The following PCDH15 variants were observed in gnomAD, a reference collection of about 807,000 sequenced individuals.
PCDH15 encodes protocadherin related 15, also known as protocadherin-15.
A neutral mutation model predicts 178.5 loss-of-function variants in PCDH15; 129 were observed. The observed-to-expected ratio is 0.72, with a 90% confidence interval of 0.63 to 0.84. PCDH15 has a LOEUF of 0.84. PCDH15 is among the 40% of genes least tolerant of loss of function. The pLI, the probability that PCDH15 is intolerant of heterozygous loss-of-function variation, is 0.00. For missense variants in PCDH15, 2,230 were observed against 2,099.9 expected (o/e 1.06, Z -1.21); for synonymous variants, 800 against 732.0 (o/e 1.09, Z -1.50).
chr10:55,432,082 AACACAC>A (rs58866288), intron 2 of PCDH15, among the ~76,000 whole-genome samples: 9 of 148,498 alleles, frequency 6.1e-5, no homozygotes, highest in Admixed American at 1.4e-4. Flanking sequence ...CTATCATTTA[AACACAC>A]ACACACACAC....
intron 2 of PCDH15, among the ~76,000 whole-genome samples, chr10:54,595,997 G>A (rs2092216594): frequency 6.6e-6 from 1 of 152,052 alleles, no homozygotes; most frequent in East Asian, 1.9e-4. Context: ...ACTCATTGGT[G>A]TCCCCGAAAG....
At chr10:54,296,585 C>A (rs572300638) in intron 8 of PCDH15, among the ~76,000 whole-genome samples, 1 of 152,188 alleles carries the variant, frequency 6.6e-6, no homozygotes. Flanking sequence ...CTAGCATAAA[C>A]TTTAGGACTC....
chr10:55,159,347 ATCTATCTATCTATCTATCTATCT>A (rs372330470), intron 2 of PCDH15, among the ~76,000 whole-genome samples: 124,422 of 144,036 alleles, frequency 0.86, 53,535 homozygotes, highest in East Asian at 0.96. Context: ...TACCATATCT[ATCTATCTATCTATCTATCTATCT>A]ATATATATAT....
At chr10:53,811,656 A>G in intron 35 of PCDH15, 37 bp from the exon 36 acceptor site, 4 of 1,362,524 alleles carry the variant, frequency 2.9e-6, no homozygotes, top group East Asian at 5.0e-5. Context: ...TTGAAAACGA[A>G]TTCTTATCAC....
intron 2 of PCDH15, among the ~76,000 whole-genome samples, chr10:55,429,502 G>C (rs1366040898): frequency 6.6e-6 from 1 of 151,990 alleles, no homozygotes; most frequent in Non-Finnish European, 1.5e-5. Flanking sequence ...TTCTGCTGAT[G>C]CTTATAAGAT....
chr10:54,996,315 T>G (rs376963975), intron 2 of PCDH15, among the ~76,000 whole-genome samples: 43 of 152,264 alleles, frequency 2.8e-4, no homozygotes, highest in African/African-American at 9.1e-4. Flanking sequence ...CTTTTGTAGG[T>G]ACCAGATAGC....
At chr10:54,200,152 A>T (rs2133967548) in intron 10 of PCDH15, among the ~76,000 whole-genome samples, 1 of 152,310 alleles carries the variant, frequency 6.6e-6, no homozygotes, top group East Asian at 1.9e-4. Flanking sequence ...TAGATTCAAC[A>T]ATTTAAAAAA....
At chr10:54,163,812 TAAC>T (rs2045947001) in intron 13 of PCDH15, among the ~76,000 whole-genome samples, 1 of 152,114 alleles carries the variant, frequency 6.6e-6, no homozygotes, top group African/African-American at 2.4e-5. Flanking sequence ...ATTACTGAAA[TAAC>T]AATTATAATA....
intron 28 of PCDH15, 37 bp downstream of exon 28, chr10:53,857,138 T>C (rs1211554231): frequency 2.9e-6 from 4 of 1,380,642 alleles, no homozygotes; most frequent in Non-Finnish European, 4.1e-6. Context: ...ATCATGGTCA[T>C]ATAAAAATAA....
chr10:54,743,436 C>A (rs1159147959), intron 1 of PCDH15, among the ~76,000 whole-genome samples: 2 of 151,934 alleles, frequency 1.3e-5, no homozygotes, highest in Non-Finnish European at 2.9e-5. Flanking sequence ...ATTATTCCAT[C>A]CAAAATTTCC....
Position 54,302,811 on chromosome 10 carries a change from T to C in PCDH15, c.876+14460A>G, listed in dbSNP as rs76433343. Among the ~76,000 whole-genome samples, 322 of 152,268 alleles carry C rather than the reference T, an allele frequency of 2.1e-3. 1 individual carries two copies. The highest frequency in any genetic ancestry group is 5.4e-3 in the African/African-American group (225 of 41,560). ...TCAGACCTTTCCATTTGAGAAATTT[T>C]ACAACTTTATTTCAAAATGCATTCC... is the stretch of plus-strand genomic sequence containing the variant. On this transcript the variant is annotated intron_variant, in intron 8 of 37. Coordinates refer to ENST00000644397, the MANE Select transcript of PCDH15 (RefSeq NM_001384140.1).
At chr10:54,204,687 G>A (rs992089773) in intron 10 of PCDH15, among the ~76,000 whole-genome samples, 9 of 152,018 alleles carry the variant, frequency 5.9e-5, no homozygotes, top group Admixed American at 2.6e-4. Flanking sequence ...ACTAGGATAC[G>A]GGCGCTCAAG....
chr10:54,717,189 C>T (rs1232620431), intron 1 of PCDH15, among the ~76,000 whole-genome samples: 1 of 126,866 alleles, frequency 7.9e-6, no homozygotes, highest in Non-Finnish European at 1.7e-5. Context: ...CCATTCAGGA[C>T]ATAGGCATGG....
chr10:54,719,178 G>A (rs1340728993), intron 1 of PCDH15, among the ~76,000 whole-genome samples: 3 of 150,844 alleles, frequency 2.0e-5, no homozygotes, highest in African/African-American at 7.3e-5. Flanking sequence ...AAAACAAACA[G>A]AATTTCTAGA....
chr10:55,492,529 A>G (rs1840441284), intron 2 of PCDH15, among the ~76,000 whole-genome samples: 1 of 151,838 alleles, frequency 6.6e-6, no homozygotes, highest in African/African-American at 2.4e-5. Context: ...TAGTACCACC[A>G]GGTCACTAAG....
intron 17 of PCDH15, among the ~76,000 whole-genome samples, chr10:54,069,976 C>T (rs567050081): frequency 9.2e-5 from 14 of 152,136 alleles, no homozygotes; most frequent in Admixed American, 3.3e-4. Context: ...TAAAAAGTTA[C>T]GTATTTTCCA....
intron 1 of PCDH15, among the ~76,000 whole-genome samples, chr10:54,676,768 C>T (rs918792480): frequency 6.6e-6 from 1 of 152,120 alleles, no homozygotes; most frequent in South Asian, 2.1e-4. Context: ...AGATATTTAT[C>T]TTATAAAAAC....
chr10:53,822,246 C>T, intron 32 of PCDH15: 1 of 1,612,986 alleles, frequency 6.2e-7, no homozygotes, highest in Non-Finnish European at 8.5e-7. Flanking sequence ...AGGTGGAGGG[C>T]AAGGAATAGA....
intron 29 of PCDH15, among the ~76,000 whole-genome samples, chr10:53,838,068 T>A (rs1254146103): frequency 6.6e-6 from 1 of 151,806 alleles, no homozygotes; most frequent in African/African-American, 2.4e-5. Context: ...CTCGGCCTCC[T>A]GGGTTCACGC....
Sources: allele counts gnomAD v4.1 joint callset (sites outside exome capture counted in the v4.1 genomes callset), GRCh38; gene constraint gnomAD v4.1.1; transcripts MANE v1.5; gene names NCBI Gene and HGNC (gene_info 2026-07-23, HGNC 2026-07-21).